The following KLHDC1 variants were observed in gnomAD, a reference collection of about 807,000 sequenced individuals.
The protein encoded by KLHDC1 is kelch domain-containing protein 1.
A neutral mutation model predicts 68.3 loss-of-function variants in KLHDC1; 53 were observed. The observed-to-expected ratio is 0.78, with a 90% CI of 0.62 to 0.98. KLHDC1 has a LOEUF of 0.98. Ranked by LOEUF, KLHDC1 falls within the 50% of genes least tolerant of loss-of-function variation. The pLI is 0.00. For missense variants in KLHDC1, 470 were observed against 492.3 expected (o/e 0.95, Z 0.43); for synonymous variants, 148 against 159.0 (o/e 0.93, Z 0.52).
chr14:49,741,001 C>T (rs1008079407), intron 11 of KLHDC1, among the ~76,000 whole-genome samples: 3 of 151,784 alleles, frequency 2.0e-5, no homozygotes, highest in Admixed American at 6.6e-5. Flanking sequence ...GGCTGAGGCA[C>T]GAGAATCACT....
In KLHDC1 at chr14:49,743,792, T is replaced by A; in HGVS notation, c.1021T>A (p.Tyr341Asn). ...TTTATTGATCTTTCAAACACAGCCT[T>A]ATTCACTACTCAGGTAAGCAAATTT... Reference protein sequence around the residue: ...NDLLIFQTQPYSLLRSCLDCI... With the variant: ...NDLLIFQTQPNSLLRSCLDCI... The change falls in exon 12 of 13, where the codon TAT becomes AAT. Residue 341 changes from tyrosine (Y) to asparagine (N), a missense_variant. Tyr to Asn is a moderately radical substitution (Grantham distance 143). Transcript: ENST00000359332. The A allele has an allele frequency of 6.3e-7, 1 of 1,575,664 alleles. No homozygotes were observed. Among genetic ancestry groups the A allele is most frequent in the Non-Finnish European group, 8.7e-7 (1 of 1,148,318 alleles).
chr14:49,698,630 C>T (rs1372126590), intron 1 of KLHDC1, among the ~76,000 whole-genome samples: 1 of 152,010 alleles, frequency 6.6e-6, no homozygotes, highest in Non-Finnish European at 1.5e-5. Flanking sequence ...ATTCTCCTGC[C>T]TCAGCCTCCC....
chr14:49,718,923 C>T (rs1468234030), intron 4 of KLHDC1, among the ~76,000 whole-genome samples: 1 of 150,710 alleles, frequency 6.6e-6, no homozygotes, highest in African/African-American at 2.4e-5. Flanking sequence ...ATTACAGCCG[C>T]CTGCCACTAC....
chr14:49,750,846 G>A (rs1256509085), intron 12 of KLHDC1, among the ~76,000 whole-genome samples: 2 of 152,154 alleles, frequency 1.3e-5, no homozygotes, highest in African/African-American at 2.4e-5. Context: ...CCCCAGAAGA[G>A]TAGAAACCCA....
intron 10 of KLHDC1, among the ~76,000 whole-genome samples, chr14:49,738,800 C>G (rs1477365916): frequency 6.6e-6 from 1 of 152,190 alleles, no homozygotes; most frequent in Admixed American, 6.5e-5. Flanking sequence ...TGGGAGGATG[C>G]CCTAATTTGT....
At chr14:49,740,465 G>A (rs1033782213) in intron 11 of KLHDC1, among the ~76,000 whole-genome samples, 2 of 152,104 alleles carry the variant, frequency 1.3e-5, no homozygotes, top group Non-Finnish European at 2.9e-5. Context: ...AGCCTCCCGA[G>A]TAGCTGGGAC....
intron 1 of KLHDC1, among the ~76,000 whole-genome samples, chr14:49,694,185 G>A (rs1038276821): frequency 6.6e-6 from 1 of 152,150 alleles, no homozygotes; most frequent in Non-Finnish European, 1.5e-5. Context: ...TACTACAATG[G>A]AGGTTTGAGC....
chr14:49,699,127 G>A (rs144398254), intron 1 of KLHDC1, among the ~76,000 whole-genome samples: 128 of 141,470 alleles, frequency 9.0e-4, no homozygotes, highest in Middle Eastern at 3.9e-3. Flanking sequence ...TCGTGCCACC[G>A]CACTCCAGTC....
In KLHDC1 at chr14:49,735,387, A is replaced by G. The variant is rs1220705264; in HGVS notation, c.896+726A>G. ...AGAATTTTAAAAATACAGATTATTT[A>G]TGCTAGTGTGTAATCAATTTAATGA... On this transcript the variant is annotated intron_variant, in intron 10 of 12. Transcript: ENST00000359332. Among the ~76,000 whole-genome samples the G allele has an allele frequency of 5.9e-5, 9 of 152,116 alleles. 2 individuals carry two copies. The Middle Eastern group carries it at 0.017, about 287-fold the overall frequency.
intron 1 of KLHDC1, among the ~76,000 whole-genome samples, chr14:49,693,746 TTC>T (rs1887644548): frequency 1.4e-5 from 1 of 73,740 alleles, no homozygotes; most frequent in African/African-American, 4.8e-5. Flanking sequence ...TCTTTTCTTT[TTC>T]TTTTTTTTTT....
At chr14:49,723,531 A>G (rs990779162) in intron 4 of KLHDC1, among the ~76,000 whole-genome samples, 2 of 152,108 alleles carry the variant, frequency 1.3e-5, no homozygotes, top group Non-Finnish European at 2.9e-5. Flanking sequence ...GAGGGAAACC[A>G]TGTCTCAAAA....
intron 4 of KLHDC1, among the ~76,000 whole-genome samples, chr14:49,718,749 T>A (rs1270364286): frequency 1.1e-4 from 17 of 149,658 alleles, no homozygotes; most frequent in Non-Finnish European, 2.2e-4. Flanking sequence ...TTGTTGTTTT[T>A]CTTTTTCTTT....
At chr14:49,711,914 T>TC (rs1258109636) in intron 4 of KLHDC1, among the ~76,000 whole-genome samples, 4 of 119,740 alleles carry the variant, frequency 3.3e-5, no homozygotes, top group African/African-American at 1.6e-4. Flanking sequence ...CTTTTTCTTT[T>TC]TTTTTTTTTT....
At chr14:49,714,698 T>C (rs1350780661) in intron 4 of KLHDC1, among the ~76,000 whole-genome samples, 3 of 151,932 alleles carry the variant, frequency 2.0e-5, no homozygotes, top group South Asian at 4.1e-4. Flanking sequence ...CAGGAGGATA[T>C]GTATAGTATA....
rs781439325 is a variant in KLHDC1 at position 49,710,348 on chromosome 14, G to A, written c.371G>A (p.Arg124His). Residue 124 changes from arginine to histidine, a missense_variant, in exon 4 of 13, where the codon CGT (arginine) becomes CAT (histidine). Transcript: ENST00000359332. ...TTTGAAGGGCAACCACCTACACCACGTGATAAACTTTCCTGCTGGGTATAT... is the reference window on the plus strand; with the variant it reads ...TTTGAAGGGCAACCACCTACACCACATGATAAACTTTCCTGCTGGGTATAT... ...TDFEGQPPTPRDKLSCWVYKD... is the reference protein window; with the variant it reads ...TDFEGQPPTPHDKLSCWVYKD... 1.2e-5 allele frequency: 20 copies of A among 1,607,856 alleles called. No individual in the cohort carries two copies. The highest frequency in any genetic ancestry group is 2.2e-5 in the South Asian group (2 of 90,858).
At position 49,710,367 on chromosome 14, in the gene KLHDC1, G is replaced by T; in HGVS notation, c.390G>T (p.Trp130Cys). 1 of 1,582,068 alleles carries T rather than the reference G, an allele frequency of 6.3e-7. No homozygotes were observed. The highest frequency in any genetic ancestry group is 8.7e-7 in the Non-Finnish European group (1 of 1,151,870). Residue 130 changes from tryptophan to cysteine, a missense_variant, in exon 4 of 13, where the codon TGG becomes TGT. Trp to Cys is a radical substitution (Grantham distance 215). Transcript: ENST00000359332. The part of the protein sequence containing the change: ...PPTPRDKLSC[W>C]VYKDRLIYFG... ...CACCACGTGATAAACTTTCCTGCTG[G>T]GTATATAAAGACAGGTAATGCAGCA...
At chr14:49,742,810 C>T (rs1219578917) in intron 11 of KLHDC1, among the ~76,000 whole-genome samples, 2 of 151,872 alleles carry the variant, frequency 1.3e-5, no homozygotes, top group Admixed American at 6.6e-5. Flanking sequence ...AAGTGCCAGG[C>T]GTGGTGGCTC....
At chr14:49,736,665 T>A (rs1339000604) in intron 10 of KLHDC1, among the ~76,000 whole-genome samples, 1 of 152,212 alleles carries the variant, frequency 6.6e-6, no homozygotes, top group Non-Finnish European at 1.5e-5. Context: ...CTCTTAGAAC[T>A]CTACAGCTAG....
intron 10 of KLHDC1, among the ~76,000 whole-genome samples, chr14:49,737,879 A>C (rs1047659804): frequency 7.3e-4 from 111 of 151,700 alleles, no homozygotes; most frequent in African/African-American, 2.4e-3. Context: ...AAAAAAAAAA[A>C]AAAAAAACAA....
Sources: gnomAD v4.1 joint callset for allele counts (sites outside exome capture counted in the v4.1 genomes callset) on GRCh38, gnomAD v4.1.1 for gene constraint, MANE v1.5 for transcripts, NCBI Gene and HGNC (gene_info 2026-07-23, HGNC 2026-07-21) for gene names.